IQGAP2: variants seen among roughly 807,000 people sequenced by gnomAD.
IQGAP2 encodes the protein IQ motif containing GTPase activating protein 2.
In IQGAP2, 173 loss-of-function variants were observed where a neutral mutation model predicts 201.3. That is an observed-to-expected ratio of 0.86 (90% CI 0.76 to 0.98). The LOEUF (loss-of-function observed/expected upper bound fraction) is 0.98, where lower values mean the gene tolerates loss of function less well. IQGAP2 is among the 50% of genes least tolerant of loss of function. The probability of loss-of-function intolerance (pLI) is 0.00; values close to 1 mark genes in which losing one functional copy is unlikely to be tolerated. For synonymous variants in IQGAP2, 675 were observed against 673.9 expected (o/e 1.00, Z -0.03); for missense variants, 1,687 against 1,864.8 (o/e 0.90, Z 1.76).
chr5:76,542,761 G>T (rs1053757536), intron 2 of IQGAP2, among the ~76,000 whole-genome samples: 1 of 152,128 alleles, frequency 6.6e-6, no homozygotes, highest in Non-Finnish European at 1.5e-5. Flanking sequence ...ATCATGTTTT[G>T]CATCTGCCCA....
rs752762968 is a variant in IQGAP2 at position 76,606,212 on chromosome 5, A to C, written c.1266A>C (p.Glu422Asp). ...YANTLLSVKL[E>D]VLSQGQDNLS... is the part of the protein sequence containing the mutation. The stretch of plus-strand genomic sequence containing the variant: ...ACACACTACTCTCTGTTAAACTAGA[A>C]GTTTTATCCCAAGGGCAAGATAACT... The change falls in exon 12 of 36, where the codon GAA (glutamate) becomes GAC (aspartate). Residue 422 changes from glutamate (E) to aspartate (D), a missense_variant. Physicochemically the swap from Glu to Asp is conservative, Grantham distance 45 (BLOSUM62 2). Transcript: ENST00000274364. 1 of 1,605,654 alleles carries C rather than the reference A, an allele frequency of 6.2e-7. No individual in the cohort carries two copies. The highest frequency in any genetic ancestry group is 1.3e-5 in the African/African-American group (1 of 74,742).
intron 22 of IQGAP2, among the ~76,000 whole-genome samples, chr5:76,667,113 A>G (rs1743849696): frequency 6.6e-6 from 1 of 152,142 alleles, no homozygotes. Flanking sequence ...TTGTCTCTTC[A>G]GTATGAACCT....
chr5:76,465,358 C>G (rs950231227), intron 2 of IQGAP2, among the ~76,000 whole-genome samples: 2 of 152,130 alleles, frequency 1.3e-5, no homozygotes, highest in Non-Finnish European at 2.9e-5. Context: ...AATCCAGCCC[C>G]CTTTCTTGAC....
chr5:76,503,714 C>T, intron 2 of IQGAP2, among the ~76,000 whole-genome samples: 1 of 152,000 alleles, frequency 6.6e-6, no homozygotes, highest in African/African-American at 2.4e-5. Flanking sequence ...GCCTCAGCCT[C>T]CCGAGTTAGC....
chr5:76,442,121 A>G (rs1753078621), intron 1 of IQGAP2, among the ~76,000 whole-genome samples: 1 of 152,216 alleles, frequency 6.6e-6, no homozygotes, highest in Non-Finnish European at 1.5e-5. Context: ...CAGATGAGAC[A>G]TTAACACAGA....
At chr5:76,412,663 G>C (rs1170165818) in intron 1 of IQGAP2, among the ~76,000 whole-genome samples, 1 of 152,156 alleles carries the variant, frequency 6.6e-6, no homozygotes, top group East Asian at 1.9e-4. Context: ...GCACTTAGAA[G>C]ATACTCAGTA....
chr5:76,639,163 A>G (rs1751372926), intron 16 of IQGAP2, among the ~76,000 whole-genome samples: 2 of 152,224 alleles, frequency 1.3e-5, no homozygotes, highest in African/African-American at 4.8e-5. Flanking sequence ...CTAAGTAGAG[A>G]TAGAGCAAAT....
chr5:76,536,685 A>G (rs1382679200), intron 2 of IQGAP2, among the ~76,000 whole-genome samples: 2 of 151,852 alleles, frequency 1.3e-5, no homozygotes, highest in Non-Finnish European at 2.9e-5. Flanking sequence ...ACCTGAACCC[A>G]GAAGGTGAAG....
intron 12 of IQGAP2, among the ~76,000 whole-genome samples, chr5:76,610,407 G>A (rs911923724): frequency 1.3e-5 from 2 of 151,596 alleles, no homozygotes; most frequent in Non-Finnish European, 2.9e-5. Context: ...CCACTAGGAT[G>A]GCTGTAATGA....
intron 1 of IQGAP2, among the ~76,000 whole-genome samples, chr5:76,421,308 A>G (rs1751718428): frequency 6.6e-6 from 1 of 151,938 alleles, no homozygotes; most frequent in African/African-American, 2.4e-5. Context: ...ATAAAGAGCA[A>G]TGGGTATAAA....
chr5:76,429,196 C>A (rs183345666), intron 1 of IQGAP2, among the ~76,000 whole-genome samples: 1 of 151,844 alleles, frequency 6.6e-6, no homozygotes. Context: ...ACTTTTTGAC[C>A]TTATTACCCA....
chr5:76,625,025 C>T (rs1750095661), intron 13 of IQGAP2, among the ~76,000 whole-genome samples: 1 of 151,912 alleles, frequency 6.6e-6, no homozygotes, highest in Non-Finnish European at 1.5e-5. Context: ...AGTGAGCAAG[C>T]CTGGGTGACA....
At chr5:76,693,723 T>C (rs976020025) in intron 31 of IQGAP2, 1 of 262,604 alleles carries the variant, frequency 3.8e-6, no homozygotes, top group Non-Finnish European at 7.2e-6. Context: ...GAAATGTTCA[T>C]CATAATGGGC....
chr5:76,411,248 A>G (rs1043678615), intron 1 of IQGAP2, among the ~76,000 whole-genome samples: 2 of 152,252 alleles, frequency 1.3e-5, no homozygotes, highest in Non-Finnish European at 2.9e-5. Context: ...CAAGTAAGTG[A>G]AAACACATGG....
At chr5:76,666,487 T>G (rs377064486) in intron 22 of IQGAP2, among the ~76,000 whole-genome samples, 8 of 152,224 alleles carry the variant, frequency 5.3e-5, no homozygotes, top group African/African-American at 1.9e-4. Context: ...GTTTATTATA[T>G]AGGTGGAGGC....
chr5:76,429,015 G>A (rs1461836832), intron 1 of IQGAP2, among the ~76,000 whole-genome samples: 1 of 148,084 alleles, frequency 6.8e-6, no homozygotes, highest in Non-Finnish European at 1.5e-5. Flanking sequence ...GGAGACAGAG[G>A]TTTCAGTGAG....
At chr5:76,529,496 C>T (rs558899812) in intron 2 of IQGAP2, among the ~76,000 whole-genome samples, 7 of 152,016 alleles carry the variant, frequency 4.6e-5, no homozygotes, top group South Asian at 4.2e-4. Flanking sequence ...GGTGTAGTGG[C>T]GCACGCCTGT....
intron 31 of IQGAP2, 63 bp from the exon 32 acceptor site, chr5:76,695,391 A>G (rs1746631011): frequency 7.3e-7 from 1 of 1,365,184 alleles, no homozygotes; most frequent in Admixed American, 1.7e-5. Flanking sequence ...TGCATTGTGT[A>G]GCTTATGAAC....
At chr5:76,627,633 C>T in intron 14 of IQGAP2, 133 bp downstream of exon 14, 1 of 617,706 alleles carries the variant, frequency 1.6e-6, no homozygotes. Context: ...ATAATTATAC[C>T]GAAATTAGTT....
Sources: gnomAD v4.1 joint callset for allele counts (sites outside exome capture counted in the v4.1 genomes callset) on GRCh38, gnomAD v4.1.1 for gene constraint, MANE v1.5 for transcripts, NCBI Gene and HGNC (gene_info 2026-07-23, HGNC 2026-07-21) for gene names.